The following UTRN variants were observed in gnomAD, a reference collection of about 807,000 sequenced individuals.
UTRN encodes utrophin.
A neutral mutation model predicts 463.9 loss-of-function variants in UTRN; 283 were observed. The observed-to-expected ratio is 0.61, with a 90% confidence interval of 0.55 to 0.67. UTRN has a LOEUF of 0.67. UTRN is among the 30% of genes least tolerant of loss of function. The probability of loss-of-function intolerance (pLI) is 0.00; values close to 1 mark genes in which losing one functional copy is unlikely to be tolerated. For missense variants in UTRN, 3,922 were observed against 4,084.3 expected (o/e 0.96, Z 1.08); for synonymous variants, 1,442 against 1,431.5 (o/e 1.01, Z -0.17).
At chr6:144,417,247 G>A (rs1784434128) in intron 3 of UTRN, among the ~76,000 whole-genome samples, 1 of 152,094 alleles carries the variant, frequency 6.6e-6, no homozygotes, top group Non-Finnish European at 1.5e-5. Flanking sequence ...ACATATCCCA[G>A]TCCAGTGATG....
rs368661808 is a variant in UTRN, at chr6:144,438,738, C to A, written c.1242-7C>A. The A allele has an allele frequency of 6.2e-7, 1 of 1,614,062 alleles. No homozygotes were observed. Among genetic ancestry groups the A allele is most frequent in the Admixed American group, 1.7e-5 (1 of 60,018 alleles). ...TGTAGGAATAATGCTGTGTTCCCCA[C>A]GGACAGGCTGCACGATGTGCTGATG... On this transcript the variant is annotated splice_region_variant and splice_polypyrimidine_tract_variant and intron_variant, in intron 11 of 74. Transcript: ENST00000367545.
At chr6:144,377,069 G>A (rs573128415) in intron 2 of UTRN, among the ~76,000 whole-genome samples, 1 of 152,148 alleles carries the variant, frequency 6.6e-6, no homozygotes, top group South Asian at 2.1e-4. Context: ...ACAGAGTCTT[G>A]CTCTGTCACC....
At chr6:144,488,604 C>T in intron 29 of UTRN, 69 bp from the exon 30 acceptor site, 2 of 1,456,670 alleles carry the variant, frequency 1.4e-6, no homozygotes, top group Non-Finnish European at 9.2e-7. Context: ...TCTTAGTGGC[C>T]AGAATATATA....
chr6:144,772,015 G>GTTT (rs1562888950), intron 59 of UTRN, 47 bp downstream of exon 59: 2 of 239,822 alleles, frequency 8.3e-6, no homozygotes, highest in African/African-American at 3.1e-5. Context: ...ACTGAGAACC[G>GTTT]GTTTTTTTTT....
chr6:144,539,214 C>G, intron 44 of UTRN, 80 bp from the exon 45 acceptor site: 1 of 1,377,424 alleles, frequency 7.3e-7, no homozygotes, highest in Non-Finnish European at 9.6e-7. Flanking sequence ...GTAATAATAC[C>G]AAAAAGGTTT....
chr6:144,470,668 A>G (rs907580472), intron 23 of UTRN, among the ~76,000 whole-genome samples: 2 of 152,064 alleles, frequency 1.3e-5, no homozygotes, highest in African/African-American at 4.8e-5. Context: ...TGGGAGGCCA[A>G]AGCAGGCGGC....
At chr6:144,424,168 A>C (rs1785095630) in intron 6 of UTRN, 90 bp downstream of exon 6, 2 of 1,355,592 alleles carry the variant, frequency 1.5e-6, no homozygotes, top group Non-Finnish European at 2.1e-6. Flanking sequence ...CAAGTACCAC[A>C]AGCTGCTTGG....
intron 51 of UTRN, among the ~76,000 whole-genome samples, chr6:144,612,507 G>C (rs1264101358): frequency 6.6e-6 from 1 of 151,848 alleles, no homozygotes; most frequent in African/African-American, 2.4e-5. Flanking sequence ...AACTCAGCAA[G>C]AAAACAAATA....
intron 49 of UTRN, 95 bp from the exon 50 acceptor site, chr6:144,557,061 TA>T: frequency 6.8e-7 from 1 of 1,464,882 alleles, no homozygotes; most frequent in South Asian, 1.4e-5. Context: ...TATCTGTATC[TA>T]AAGCATGTCA....
At chr6:144,415,659 T>G (rs1193498005) in intron 3 of UTRN, among the ~76,000 whole-genome samples, 1 of 152,112 alleles carries the variant, frequency 6.6e-6, no homozygotes, top group African/African-American at 2.4e-5. Context: ...AGATTTTTAT[T>G]TGGAGTTTGG....
chr6:144,597,563 T>C (rs1211933064), intron 51 of UTRN, among the ~76,000 whole-genome samples: 1 of 152,220 alleles, frequency 6.6e-6, no homozygotes, highest in African/African-American at 2.4e-5. Context: ...TTGCAACTGA[T>C]AACTTTTGTT....
intron 54 of UTRN, among the ~76,000 whole-genome samples, chr6:144,736,425 C>T (rs1043441896): frequency 1.3e-5 from 2 of 152,118 alleles, no homozygotes; most frequent in African/African-American, 4.8e-5. Context: ...ACACTTTCCT[C>T]CATGATTTTT....
intron 74 of UTRN, among the ~76,000 whole-genome samples, chr6:144,850,351 T>G (rs1782383724): frequency 6.6e-6 from 1 of 152,202 alleles, no homozygotes. Context: ...AGGCCTTTTA[T>G]GATTTATGAG....
At chr6:144,526,303 T>C (rs1796565210) in intron 41 of UTRN, among the ~76,000 whole-genome samples, 1 of 152,236 alleles carries the variant, frequency 6.6e-6, no homozygotes, top group African/African-American at 2.4e-5. Context: ...CCACTGTTAA[T>C]GTGTTGCTGT....
At chr6:144,545,029 C>T (rs1798280177) in intron 46 of UTRN, among the ~76,000 whole-genome samples, 1 of 152,158 alleles carries the variant, frequency 6.6e-6, no homozygotes. Flanking sequence ...GCTTACCAGT[C>T]CCAGAACTGT....
In UTRN at chr6:144,827,637, A is replaced by G. The variant is rs1305199800; in HGVS notation, c.9560A>G (p.His3187Arg). Residue 3187 changes from histidine to arginine, a missense_variant, in exon 68 of 75, where the codon CAT (histidine) becomes CGT (arginine). Transcript: ENST00000367545. Reference protein sequence around the residue: ...YDPSQSPQLFHDDTHSRIEQY... With the variant: ...YDPSQSPQLFRDDTHSRIEQY... ...CCCTCACAATCTCCTCAACTGTTTC[A>G]TGATGACACCCATTCAAGAATAGAA... The G allele has an allele frequency of 6.2e-7, 1 of 1,613,704 alleles. No homozygotes were observed.
chr6:144,591,589 G>A (rs541719465), intron 51 of UTRN, among the ~76,000 whole-genome samples: 3 of 152,226 alleles, frequency 2.0e-5, no homozygotes, highest in East Asian at 3.9e-4. Flanking sequence ...GAAAGAAGTC[G>A]TCTTTACTGT....
chr6:144,345,049 A>G (rs1283704096), intron 2 of UTRN, among the ~76,000 whole-genome samples: 4 of 152,346 alleles, frequency 2.6e-5, no homozygotes, highest in East Asian at 1.9e-4. Flanking sequence ...CATACATATC[A>G]TGCATGAATG....
At chr6:144,460,645 C>T (rs545881286) in intron 21 of UTRN, among the ~76,000 whole-genome samples, 9 of 152,346 alleles carry the variant, frequency 5.9e-5, no homozygotes, top group African/African-American at 2.2e-4. Flanking sequence ...TTCAAGAGAA[C>T]TCACTTCCTT....
Sources: gnomAD v4.1 joint callset for allele counts (sites outside exome capture counted in the v4.1 genomes callset) on GRCh38, gnomAD v4.1.1 for gene constraint, MANE v1.5 for transcripts, NCBI Gene and HGNC (gene_info 2026-07-23, HGNC 2026-07-21) for gene names.